The following RGSL1 variants were observed in gnomAD, a reference collection of about 807,000 sequenced individuals.
RGSL1 encodes regulator of G protein signaling protein-like.
In RGSL1, 97 loss-of-function variants were observed where a neutral mutation model predicts 124.7. The observed-to-expected ratio is 0.78, with a 90% CI of 0.66 to 0.92. The LOEUF (loss-of-function observed/expected upper bound fraction) is 0.92, where lower values mean the gene tolerates loss of function less well. Ranked by LOEUF, RGSL1 falls within the 40% of genes least tolerant of loss-of-function variation. RGSL1 has a pLI of 0.00. For missense variants in RGSL1, 1,233 were observed against 1,288.4 expected (o/e 0.96, Z 0.66); for synonymous variants, 424 against 438.1 (o/e 0.97, Z 0.40).
At chr1:182,517,782 T>C (rs959324754) in intron 9 of RGSL1, among the ~76,000 whole-genome samples, 6 of 152,226 alleles carry the variant, frequency 3.9e-5, no homozygotes, top group Non-Finnish European at 7.3e-5. Context: ...GAATTGTTTT[T>C]CTGTGTTATC....
At chr1:182,498,946 C>T (rs1325684579) in intron 9 of RGSL1, among the ~76,000 whole-genome samples, 5 of 152,150 alleles carry the variant, frequency 3.3e-5, no homozygotes, top group Non-Finnish European at 5.9e-5. Flanking sequence ...GCACCCGCCA[C>T]CACACTTGGC....
chr1:182,473,455 G>A, intron 5 of RGSL1, 120 bp from the exon 6 acceptor site: 1 of 1,110,852 alleles, frequency 9.0e-7, no homozygotes, highest in Admixed American at 3.1e-5. Flanking sequence ...AGGATTATAT[G>A]AGGAACTAAT....
intron 14 of RGSL1, 101 bp downstream of exon 14, chr1:182,532,892 C>G (rs1558398193): frequency 7.5e-7 from 1 of 1,337,510 alleles, no homozygotes; most frequent in African/African-American, 1.5e-5. Flanking sequence ...CCTGCGGCAG[C>G]CTGGAGTCTA....
chr1:182,495,414 C>T (rs1343131962), intron 9 of RGSL1, among the ~76,000 whole-genome samples: 1 of 152,150 alleles, frequency 6.6e-6, no homozygotes, highest in East Asian at 1.9e-4. Context: ...CTCCACATGT[C>T]ATGTTTTTTC....
intron 11 of RGSL1, among the ~76,000 whole-genome samples, chr1:182,529,137 G>A (rs1376495766): frequency 6.6e-6 from 1 of 152,180 alleles, no homozygotes; most frequent in Non-Finnish European, 1.5e-5. Flanking sequence ...CTAGTGAAAG[G>A]AGCCAAGTCT....
intron 6 of RGSL1, among the ~76,000 whole-genome samples, chr1:182,476,176 A>G (rs1227949679): frequency 1.3e-5 from 2 of 152,120 alleles, no homozygotes; most frequent in Non-Finnish European, 2.9e-5. Context: ...CCTTTGCTCA[A>G]TTTTTGATTA....
At chr1:182,454,586 A>ATGTGTGTGTG (rs68163917) in intron 2 of RGSL1, among the ~76,000 whole-genome samples, 19 of 144,508 alleles carry the variant, frequency 1.3e-4, no homozygotes, top group African/African-American at 4.4e-4. Flanking sequence ...CTTGAGTTGT[A>ATGTGTGTGTG]TGTGTGTGTG....
intron 4 of RGSL1, among the ~76,000 whole-genome samples, chr1:182,463,604 A>G (rs897429825): frequency 6.6e-6 from 1 of 152,218 alleles, no homozygotes; most frequent in African/African-American, 2.4e-5. Flanking sequence ...GTTTTAAAAA[A>G]AGTTTACAAG....
In RGSL1 at chr1:182,507,072, C is replaced by G. The variant is rs545110868; in HGVS notation, c.1825+13943C>G. On this transcript the variant is annotated intron_variant, in intron 9 of 21. Coordinates refer to ENST00000294854, the MANE Select transcript of RGSL1 (RefSeq NM_001137669.2). The stretch of plus-strand genomic sequence containing the variant: ...TGGCACGATTTTGGCTCACCGCAAA[C>G]TCCACCTCCCGGGTTCAAGCAATTC... The G allele has an allele frequency of 4.7e-5, 7 of 149,992 alleles. No homozygotes were observed. In the East Asian group the frequency reaches 1.4e-3, roughly 30 times the overall value. 9.3% of individuals were successfully genotyped at this position (149,992 alleles called of 1,614,324 possible). A position where few individuals can be genotyped will look rare whatever the true frequency, so the allele number is the denominator to read the frequency against.
chr1:182,497,128 A>G (rs1655976106), intron 9 of RGSL1, among the ~76,000 whole-genome samples: 1 of 152,090 alleles, frequency 6.6e-6, no homozygotes, highest in African/African-American at 2.4e-5. Context: ...AGAAAAGTTA[A>G]TATAATAATG....
Position 182,548,810 on chromosome 1 carries a change from G to T in RGSL1, c.2919G>T (p.Met973Ile). 3.2e-6 allele frequency: 5 copies of T among 1,551,602 alleles called. No homozygotes were observed. Among genetic ancestry groups the T allele is most frequent in the Non-Finnish European group, 4.4e-6 (5 of 1,146,956 alleles). The change falls in exon 17 of 22, where the codon ATG (methionine) becomes ATT (isoleucine). Residue 973 changes from methionine to isoleucine, a missense_variant. Coordinates refer to ENST00000294854, the MANE Select transcript of RGSL1 (RefSeq NM_001137669.2). The part of the protein sequence containing the change: ...GAIMSVFPVV[M>I]YFWKRFCFWK... ...TCATGTCTGTCTTCCCCGTTGTTAT[G>T]TACTTCTGGAAAAGGTAACTGTTTC... is the stretch of plus-strand genomic sequence containing the variant.
At chr1:182,489,309 G>C (rs1199748607) in intron 8 of RGSL1, 107 bp downstream of exon 8, 3 of 998,918 alleles carry the variant, frequency 3.0e-6, no homozygotes, top group African/African-American at 1.6e-5. Flanking sequence ...TGCAGTGCAG[G>C]GATTACCTAA....
Position 182,513,096 on chromosome 1 carries a change from T to C in RGSL1, c.1826-8908T>C, listed in dbSNP as rs115121777. On this transcript the variant is annotated intron_variant, in intron 9 of 21. Transcript: ENST00000294854. ...GGTTGTAGGTTTCCAGGCCTAGGGG[T>C]GGGGCCTTTGCCAGGGAACTGCCCT... 4.4e-3 allele frequency among the ~76,000 whole-genome samples: 675 copies of C among 152,262 alleles called. 6 individuals carry two copies. Among genetic ancestry groups the C allele is most frequent in the African/African-American group, 0.016 (647 of 41,546 alleles).
intron 14 of RGSL1, among the ~76,000 whole-genome samples, chr1:182,536,523 T>C (rs1659549744): frequency 6.6e-6 from 1 of 152,212 alleles, no homozygotes; most frequent in Admixed American, 6.5e-5. Flanking sequence ...TTGTTTTAGT[T>C]TAATTTTTAT....
At chr1:182,504,331 T>G (rs556200587) in intron 9 of RGSL1, among the ~76,000 whole-genome samples, 1 of 152,132 alleles carries the variant, frequency 6.6e-6, no homozygotes, top group South Asian at 2.1e-4. Context: ...TTCTCCCGGG[T>G]TTTTGTAACT....
chr1:182,540,853 A>G (rs960472538), intron 15 of RGSL1, among the ~76,000 whole-genome samples: 5 of 152,214 alleles, frequency 3.3e-5, no homozygotes, highest in African/African-American at 1.2e-4. Flanking sequence ...TCACCTGTCA[A>G]TTTTGTTTCA....
chr1:182,556,084 A>G lies in RGSL1; in HGVS notation c.*27A>G. On this transcript the variant is annotated 3_prime_UTR_variant, in exon 21 of 22. Transcript: ENST00000294854. ...CAAGCGAGACCCCCAGCAGAGATAA[A>G]TCATCTCTTAGAGGCCTCCTAACAC... is the stretch of plus-strand genomic sequence containing the variant. 6.5e-7 allele frequency: 1 copy of G among 1,546,954 alleles called. No individual in the cohort carries two copies.
At chr1:182,556,937 C>A (rs143550217) in intron 21 of RGSL1, among the ~76,000 whole-genome samples, 8 of 152,298 alleles carry the variant, frequency 5.3e-5, no homozygotes, top group African/African-American at 1.9e-4. Flanking sequence ...TAGGAAAGGA[C>A]TGGAAAGCTT....
At chr1:182,548,574 C>A in intron 16 of RGSL1, 119 bp downstream of exon 16, 3 of 1,505,202 alleles carry the variant, frequency 2.0e-6, no homozygotes, top group African/African-American at 1.4e-5. Flanking sequence ...TATCCTTTAC[C>A]TAGCAACTCC....
Sources: allele counts gnomAD v4.1 joint callset (sites outside exome capture counted in the v4.1 genomes callset), GRCh38; gene constraint gnomAD v4.1.1; transcripts MANE v1.5; gene names NCBI Gene and HGNC (gene_info 2026-07-23, HGNC 2026-07-21).